EVC: variants seen among roughly 807,000 people sequenced by gnomAD.
The protein encoded by EVC is EvC ciliary complex subunit 1, also known as evC complex member EVC.
EVC carries 116 observed loss-of-function variants against 118.9 expected under a neutral mutation model. The observed-to-expected ratio is 0.98, with a 90% CI of 0.84 to 1.14. The LOEUF is 1.14. Ranked by LOEUF, EVC falls within the 50% of genes most tolerant of loss-of-function variation. EVC has a pLI of 0.00. For missense variants in EVC, 1,401 were observed against 1,246.4 expected (o/e 1.12, Z -1.87); for synonymous variants, 619 against 534.7 (o/e 1.16, Z -2.18).
At chr4:5,750,149 C>T (rs911106977) in intron 8 of EVC, among the ~76,000 whole-genome samples, 2 of 152,174 alleles carry the variant, frequency 1.3e-5, no homozygotes, top group African/African-American at 4.8e-5. Context: ...CCTAAGATCC[C>T]CGTCCTCTCT....
intron 2 of EVC, among the ~76,000 whole-genome samples, chr4:5,721,135 G>A (rs1724893953): frequency 6.6e-6 from 1 of 151,956 alleles, no homozygotes; most frequent in South Asian, 2.1e-4. Context: ...TCTCTCTACT[G>A]CTGTGCCCCC....
chr4:5,752,881 A>G lies in EVC; in HGVS notation c.1144A>G (p.Ile382Val), dbSNP rs1730604837. 2 of 1,614,148 alleles carry G rather than the reference A, an allele frequency of 1.2e-6. No individual in the cohort carries two copies. The highest frequency in any genetic ancestry group is 1.7e-6 in the Non-Finnish European group (2 of 1,180,014). ...GGGGCGGGCGCACATGGCAAAAGTG[A>G]TTGAGTTTCTGAAGCTGCAAGTCCA... ...TMGRAHMAKV[I>V]EFLKLQVQEE... The change falls in exon 9 of 21, where the codon ATT becomes GTT. Residue 382 changes from isoleucine (I) to valine (V), a missense_variant. Coordinates refer to ENST00000264956, the MANE Select transcript of EVC (RefSeq NM_153717.3).
intron 16 of EVC, 67 bp from the exon 17 acceptor site, chr4:5,804,663 T>A: frequency 7.0e-7 from 1 of 1,430,292 alleles, no homozygotes; most frequent in Non-Finnish European, 9.9e-7. Context: ...CCCCAGCACC[T>A]GCCCCAGACC....
At chr4:5,727,740 G>A (rs1726100654) in intron 2 of EVC, among the ~76,000 whole-genome samples, 1 of 151,494 alleles carries the variant, frequency 6.6e-6, no homozygotes, top group South Asian at 2.1e-4. Flanking sequence ...TTTTTGAATT[G>A]ATTTTTGTAT....
intron 16 of EVC, among the ~76,000 whole-genome samples, chr4:5,804,319 G>A (rs944312546): frequency 1.3e-5 from 2 of 152,140 alleles, no homozygotes; most frequent in Non-Finnish European, 2.9e-5. Flanking sequence ...CCAAGAAATG[G>A]GGCATAACTT....
Position 5,802,063 on chromosome 4 carries a change from G to A in EVC, c.2418G>A (p.Glu806=). ...QIGRIMEDHE[E]RKLQHLKTLQ... ...GAAGGATCATGGAGGACCACGAGGA[G>A]AGAAAACTGCAGCACCTGAAGACCC... Residue 806 remains glutamate (E), a synonymous_variant, in exon 16 of 21, where the codon GAG becomes GAA. Coordinates refer to ENST00000264956, the MANE Select transcript of EVC (RefSeq NM_153717.3). The A allele has an allele frequency of 1.9e-6, 3 of 1,614,100 alleles. No individual in the cohort carries two copies. The highest frequency in any genetic ancestry group is 1.7e-6 in the Non-Finnish European group (2 of 1,180,016).
At chr4:5,802,244 C>A in intron 16 of EVC, 150 bp downstream of exon 16, 1 of 1,172,926 alleles carries the variant, frequency 8.5e-7, no homozygotes, top group South Asian at 1.4e-5. Flanking sequence ...TGCTTTGTCT[C>A]AAAAAGCCTT....
Position 5,802,060 on chromosome 4 carries a change from G to C in EVC, c.2415G>C (p.Glu805Asp). The change falls in exon 16 of 21, where the codon GAG becomes GAC. Residue 805 changes from glutamate to aspartate, a missense_variant. By Grantham distance (45) the Glu-to-Asp change is conservative. Coordinates refer to ENST00000264956, the MANE Select transcript of EVC (RefSeq NM_153717.3). ...TCGGAAGGATCATGGAGGACCACGA[G>C]GAGAGAAAACTGCAGCACCTGAAGA... is the stretch of plus-strand genomic sequence containing the variant. ...QQIGRIMEDH[E>D]ERKLQHLKTL... 1 of 1,614,154 alleles carries C rather than the reference G, an allele frequency of 6.2e-7. No individual in the cohort carries two copies. The highest frequency in any genetic ancestry group is 8.5e-7 in the Non-Finnish European group (1 of 1,180,034).
chr4:5,771,087 T>C (rs944012068), intron 11 of EVC, among the ~76,000 whole-genome samples: 4 of 152,116 alleles, frequency 2.6e-5, no homozygotes, highest in Admixed American at 1.3e-4. Flanking sequence ...TATTAGGTAT[T>C]AGTTTTCTAT....
chr4:5,789,180 G>A lies in EVC; in HGVS notation c.1777-4428G>A, dbSNP rs148557243. Among the ~76,000 whole-genome samples the A allele has an allele frequency of 3.7e-3, 564 of 152,212 alleles. 1 individual carries two copies. The highest frequency in any genetic ancestry group is 0.01 in the Middle Eastern group (3 of 292). On this transcript the variant is annotated intron_variant, in intron 12 of 20. Transcript: ENST00000264956. The surrounding 1 kb of genome is among the most constrained non-coding windows in gnomAD (Gnocchi z 4.3). ...TTGATAGGGAACACTAAGTCACATC[G>A]TGTTGCTTCTCTGCAGAACCCCCAA...
In EVC at chr4:5,749,440, G is replaced by C. The variant is rs1015515623; in HGVS notation, c.1098+1134G>C. Among the ~76,000 whole-genome samples the C allele has an allele frequency of 6.6e-6, 1 of 151,984 alleles. No homozygotes were observed. The highest frequency in any genetic ancestry group is 2.4e-5 in the African/African-American group (1 of 41,348). ...CACATTCAAAGGGTTGGACACCCGT[G>C]GGAGAGAAATCTGCGAATCCAGCTT... On this transcript the variant is annotated intron_variant, in intron 8 of 20. Transcript: ENST00000264956. This position sits in a 1 kb window ranked among gnomAD's most constrained non-coding sequence, Gnocchi z 4.4.
chr4:5,740,145 C>A (rs1728295422), intron 5 of EVC, among the ~76,000 whole-genome samples: 1 of 152,022 alleles, frequency 6.6e-6, no homozygotes, highest in Non-Finnish European at 1.5e-5. Context: ...GGATCACATA[C>A]TTAAATGTAA....
At chr4:5,728,711 A>C (rs1249677238) in intron 2 of EVC, among the ~76,000 whole-genome samples, 4 of 152,208 alleles carry the variant, frequency 2.6e-5, no homozygotes, top group Non-Finnish European at 5.9e-5. Context: ...CCTTTTGTTT[A>C]AGGGTCTAAT....
chr4:5,806,037 C>G (rs1463017018), intron 17 of EVC, among the ~76,000 whole-genome samples: 1 of 151,814 alleles, frequency 6.6e-6, no homozygotes, highest in Non-Finnish European at 1.5e-5. Flanking sequence ...ACTCCCCTCC[C>G]ATCGTCCCGC....
chr4:5,824,496 CTCTCTT>C, the EVC span: 2 of 985,328 alleles, frequency 2.0e-6, no homozygotes, highest in African/African-American at 1.7e-5. Flanking sequence ...CTCTCTCTCT[CTCTCTT>C]TGCCCCTTCC....
Position 5,748,244 on chromosome 4 carries a change from C to T in EVC, c.1036C>T (p.Leu346=). ...SSKARQLMMT[L]TERMIAAEGL... ...CAAAGCCCGACAGCTGATGATGACT[C>T]TGACGGAAAGAATGATTGCAGCCGA... The change falls in exon 8 of 21, where the codon CTG becomes TTG. Residue 346 remains leucine (L), a synonymous_variant. Coordinates refer to ENST00000264956, the MANE Select transcript of EVC (RefSeq NM_153717.3). 1 of 1,614,144 alleles carries T rather than the reference C, an allele frequency of 6.2e-7. No homozygotes were observed. The highest frequency in any genetic ancestry group is 1.1e-5 in the South Asian group (1 of 91,072).
Position 5,749,738 on chromosome 4 carries a change from C to T in EVC, c.1098+1432C>T, listed in dbSNP as rs1235548263. 1.3e-5 allele frequency among the ~76,000 whole-genome samples: 2 copies of T among 152,150 alleles called. No homozygotes were observed. Among genetic ancestry groups the T allele is most frequent in the East Asian group, 1.9e-4 (1 of 5,186 alleles). On this transcript the variant is annotated intron_variant, in intron 8 of 20. Coordinates refer to ENST00000264956, the MANE Select transcript of EVC (RefSeq NM_153717.3). The surrounding 1 kb of genome is among the most constrained non-coding windows in gnomAD (Gnocchi z 4.4). ...CATTTCCCCGTCCTGTGCACCAGCC[C>T]GTGTGGCAGCTCGGCTCAGAACCCT...
intron 2 of EVC, among the ~76,000 whole-genome samples, chr4:5,729,026 A>T (rs542087830): frequency 6.6e-6 from 1 of 151,836 alleles, no homozygotes; most frequent in Admixed American, 6.6e-5. Flanking sequence ...CCAACCACCC[A>T]TCTATTCATC....
At chr4:5,788,803 T>C (rs1437652691) in intron 12 of EVC, among the ~76,000 whole-genome samples, 1 of 152,218 alleles carries the variant, frequency 6.6e-6, no homozygotes, top group Admixed American at 6.5e-5. Context: ...CCCAGAGTGA[T>C]ACGTTTAAGA....
Sources: allele counts gnomAD v4.1 joint callset (sites outside exome capture counted in the v4.1 genomes callset), GRCh38; gene constraint gnomAD v4.1.1; non-coding constraint Gnocchi (gnomAD v3.1); transcripts MANE v1.5; gene names NCBI Gene and HGNC (gene_info 2026-07-23, HGNC 2026-07-21).